The following ARHGAP26 variants were observed in gnomAD, a reference collection of about 807,000 sequenced individuals.
ARHGAP26 encodes the protein Rho GTPase activating protein 26, also known as rho GTPase-activating protein 26.
ARHGAP26 carries 38 observed loss-of-function variants against 104.8 expected under a neutral mutation model. The observed-to-expected ratio is 0.36, with a 90% CI of 0.28 to 0.48. The LOEUF (loss-of-function observed/expected upper bound fraction) is 0.48. Ranked by LOEUF, ARHGAP26 falls within the 20% of genes least tolerant of loss-of-function variation. ARHGAP26 has a pLI of 0.99. For synonymous variants in ARHGAP26, 341 were observed against 340.0 expected, an observed-to-expected ratio of 1.00 and a Z score of -0.03; for missense variants, 704 against 947.9, an observed-to-expected ratio of 0.74 and a Z score of 3.38.
At chr5:142,841,136 C>T (rs1050753290) in intron 1 of ARHGAP26, among the ~76,000 whole-genome samples, 3 of 152,140 alleles carry the variant, frequency 2.0e-5, no homozygotes, top group Non-Finnish European at 4.4e-5. Flanking sequence ...GATTAATTGC[C>T]TGGCTTCTTT....
At chr5:143,134,270 G>C (rs781353124) in intron 19 of ARHGAP26, among the ~76,000 whole-genome samples, 165 bp downstream of exon 19, 3 of 152,168 alleles carry the variant, frequency 2.0e-5, no homozygotes, top group Non-Finnish European at 4.4e-5. Flanking sequence ...GAGTAACCCT[G>C]ATAGGACAGG....
At chr5:142,941,464 C>T (rs768188033) in intron 11 of ARHGAP26, among the ~76,000 whole-genome samples, 1 of 152,192 alleles carries the variant, frequency 6.6e-6, no homozygotes, top group African/African-American at 2.4e-5. Flanking sequence ...CTCCCATGCT[C>T]ACCCACCCCT....
At chr5:142,949,965 G>A (rs1445788206) in intron 11 of ARHGAP26, among the ~76,000 whole-genome samples, 1 of 152,218 alleles carries the variant, frequency 6.6e-6, no homozygotes, top group Non-Finnish European at 1.5e-5. Flanking sequence ...ATTTGGAGGA[G>A]GTTGCTTTGT....
chr5:143,003,190 GC>G (rs1777428830), intron 11 of ARHGAP26, among the ~76,000 whole-genome samples: 1 of 152,158 alleles, frequency 6.6e-6, no homozygotes, highest in Admixed American at 6.5e-5. Flanking sequence ...AAAATAAATG[GC>G]CTACTCCTTC....
intron 1 of ARHGAP26, among the ~76,000 whole-genome samples, chr5:142,840,635 A>G (rs1390432245): frequency 6.6e-6 from 1 of 152,206 alleles, no homozygotes; most frequent in Admixed American, 6.5e-5. Context: ...GGTAGTTGTC[A>G]TCGTCTTATT....
intron 17 of ARHGAP26, among the ~76,000 whole-genome samples, chr5:143,099,665 A>G (rs1262414835): frequency 6.6e-6 from 1 of 152,212 alleles, no homozygotes; most frequent in Non-Finnish European, 1.5e-5. Flanking sequence ...TAGGATTTCC[A>G]TAAGTGAAGT....
At position 142,770,637 on chromosome 5, in the gene ARHGAP26, G is replaced by C; in HGVS notation, c.-125G>C. 1 of 677,416 alleles carries C rather than the reference G, an allele frequency of 1.5e-6. No homozygotes were observed. The highest frequency in any genetic ancestry group is 6.7e-5 in the South Asian group (1 of 14,970). 42.0% of individuals were successfully genotyped at this position (677,416 alleles called of 1,614,324 possible). On this transcript the variant is annotated 5_prime_UTR_variant, in exon 1 of 23. Coordinates refer to ENST00000645722, the MANE Select transcript of ARHGAP26 (RefSeq NM_001135608.3). ...GACACCGCGCGCGGAGTGAGCCAGC[G>C]CCACACCTGTGGAGCCGGCGGCCGT...
At chr5:143,218,753 C>T (rs1409210912) in intron 22 of ARHGAP26, among the ~76,000 whole-genome samples, 1 of 152,236 alleles carries the variant, frequency 6.6e-6, no homozygotes, top group African/African-American at 2.4e-5. Context: ...TGGTGCAGTT[C>T]AGTGTTGCAC....
At chr5:143,065,026 A>T (rs1787282329) in intron 17 of ARHGAP26, among the ~76,000 whole-genome samples, 1 of 152,108 alleles carries the variant, frequency 6.6e-6, no homozygotes, top group South Asian at 2.1e-4. Context: ...TTTCTGATTC[A>T]TCTCTTCCTT....
intron 3 of ARHGAP26, among the ~76,000 whole-genome samples, chr5:142,877,315 A>T (rs1241411428): frequency 6.6e-6 from 1 of 152,136 alleles, no homozygotes; most frequent in Non-Finnish European, 1.5e-5. Flanking sequence ...TTCCTGGGTT[A>T]TATGGCTACC....
chr5:142,808,127 C>T (rs958242719), intron 1 of ARHGAP26, among the ~76,000 whole-genome samples: 4 of 150,012 alleles, frequency 2.7e-5, no homozygotes, highest in African/African-American at 4.9e-5. Context: ...CCCAGCTACT[C>T]GGGAGGCTGA....
At chr5:143,179,776 C>T (rs1435035860) in intron 20 of ARHGAP26, among the ~76,000 whole-genome samples, 1 of 152,158 alleles carries the variant, frequency 6.6e-6, no homozygotes, top group Non-Finnish European at 1.5e-5. Context: ...GGGGAAAGTC[C>T]TGTGCTGAAT....
At chr5:143,179,176 A>G (rs1318282369) in intron 20 of ARHGAP26, among the ~76,000 whole-genome samples, 1 of 152,144 alleles carries the variant, frequency 6.6e-6, no homozygotes, top group Non-Finnish European at 1.5e-5. Context: ...GCCATTTATC[A>G]TGTATCATGA....
At chr5:143,212,619 A>G (rs897692291) in intron 21 of ARHGAP26, among the ~76,000 whole-genome samples, 1 of 152,146 alleles carries the variant, frequency 6.6e-6, no homozygotes, top group African/African-American at 2.4e-5. Flanking sequence ...CCACCTGGCC[A>G]TCATCTCTTG....
chr5:142,784,225 G>A lies in ARHGAP26; in HGVS notation c.154+13310G>A, dbSNP rs1386098057. On this transcript the variant is annotated intron_variant, in intron 1 of 22. Coordinates refer to ENST00000645722, the MANE Select transcript of ARHGAP26 (RefSeq NM_001135608.3). ...TTACGTAGCCAGCATGCTTGTAATC[G>A]GTTCCCCAGCAGGGAAGCTCTGCTC... Among the ~76,000 whole-genome samples the A allele has an allele frequency of 2.6e-5, 4 of 152,212 alleles. No individual in the cohort carries two copies. The East Asian group carries it at 5.8e-4, about 22-fold the overall frequency.
rs765971693 is a variant in ARHGAP26, at chr5:142,869,964, C to T, written c.155-3436C>T. Among the ~76,000 whole-genome samples the T allele has an allele frequency of 1.9e-4, 29 of 152,204 alleles. 1 individual carries two copies. The highest frequency in any genetic ancestry group is 7.3e-5 in the Non-Finnish European group (5 of 68,038). On this transcript the variant is annotated intron_variant, in intron 1 of 22. Transcript: ENST00000645722. ...TCTGGTCCCCTCACTCAGAGAAGCA[C>T]AGCCCTACCTACTCTGGAAAGCAGA...
chr5:143,222,272 CACACACACA>C (rs1811292504), intron 22 of ARHGAP26, 77 bp from the exon 23 acceptor site: 3 of 770,040 alleles, frequency 3.9e-6, no homozygotes, highest in Admixed American at 5.1e-5. Context: ...CACACACACA[CACACACACA>C]CACCCCACAC....
chr5:143,036,734 T>C (rs1387092110), intron 12 of ARHGAP26, among the ~76,000 whole-genome samples: 1 of 152,174 alleles, frequency 6.6e-6, no homozygotes, highest in Non-Finnish European at 1.5e-5. Context: ...CTAGTGATAA[T>C]GTCAACCTGG....
At chr5:142,927,125 T>C (rs1764024967) in intron 10 of ARHGAP26, among the ~76,000 whole-genome samples, 2 of 152,178 alleles carry the variant, frequency 1.3e-5, no homozygotes, top group Non-Finnish European at 2.9e-5. Context: ...GCCTAAGTTA[T>C]TGATGAGAAG....
Sources: gnomAD v4.1 joint callset for allele counts (sites outside exome capture counted in the v4.1 genomes callset) on GRCh38, gnomAD v4.1.1 for gene constraint, MANE v1.5 for transcripts, NCBI Gene and HGNC (gene_info 2026-07-23, HGNC 2026-07-21) for gene names.